CDC123: variants seen among roughly 807,000 people sequenced by gnomAD.
The protein encoded by CDC123 is cell division cycle 123.
In CDC123, 37 loss-of-function variants were observed where a neutral mutation model predicts 54.4. The ratio of observed to expected loss-of-function variants is 0.68; its 90% CI spans 0.52 to 0.89. The LOEUF is 0.89. CDC123 is among the 40% of genes least tolerant of loss of function. The pLI is 0.00. For synonymous variants in CDC123, 144 were observed against 136.8 expected, an observed-to-expected ratio of 1.05 and a Z score of -0.37; for missense variants, 361 against 412.1, an observed-to-expected ratio of 0.88 and a Z score of 1.07.
At chr10:12,227,893 G>GT (rs1835848644) in intron 6 of CDC123, among the ~76,000 whole-genome samples, 2 of 152,164 alleles carry the variant, frequency 1.3e-5, no homozygotes, top group South Asian at 4.1e-4. Context: ...CGAAAGGGCA[G>GT]TTTTTTAAAG....
At chr10:12,208,355 T>A (rs973430465) in intron 2 of CDC123, among the ~76,000 whole-genome samples, 2 of 152,212 alleles carry the variant, frequency 1.3e-5, no homozygotes, top group African/African-American at 4.8e-5. Context: ...GAAGATGGGC[T>A]GCTGGGTGGC....
At position 12,213,495 on chromosome 10, in the gene CDC123, G is replaced by A. The variant is rs981962504; in HGVS notation, c.238-2245G>A. ...TGCCACAGATTGAAGAAGATTAAAGGGACCTGACAACTAGATTTAGTCCAT... is the reference window on the plus strand; with the variant it reads ...TGCCACAGATTGAAGAAGATTAAAGAGACCTGACAACTAGATTTAGTCCAT... On this transcript the variant is annotated intron_variant, in intron 4 of 12. Coordinates refer to ENST00000281141, the MANE Select transcript of CDC123 (RefSeq NM_006023.3). 4.6e-5 allele frequency among the ~76,000 whole-genome samples: 7 copies of A among 151,970 alleles called. No individual in the cohort carries two copies. In the East Asian group the frequency reaches 1.4e-3, roughly 29 times the overall value.
chr10:12,210,357 T>C, intron 4 of CDC123, 35 bp downstream of exon 4: 1 of 1,612,650 alleles, frequency 6.2e-7, no homozygotes, highest in Admixed American at 1.7e-5. Flanking sequence ...GGGGACAGCC[T>C]CACACTGTCA....
At chr10:12,225,669 G>A (rs146612075) in intron 6 of CDC123, among the ~76,000 whole-genome samples, 1 of 147,748 alleles carries the variant, frequency 6.8e-6, no homozygotes, top group African/African-American at 2.5e-5. Flanking sequence ...AATACCATCT[G>A]CCATTTACTG....
At chr10:12,250,127 C>G (rs1163998629) in intron 12 of CDC123, 184 bp from the exon 13 acceptor site, 5 of 504,256 alleles carry the variant, frequency 9.9e-6, no homozygotes, top group Non-Finnish European at 1.7e-5. Flanking sequence ...AGAAAATACT[C>G]AAATACCTGA....
chr10:12,215,512 TTTGA>T (rs1835651111), intron 4 of CDC123, among the ~76,000 whole-genome samples: 1 of 152,332 alleles, frequency 6.6e-6, no homozygotes, highest in Admixed American at 6.5e-5. Context: ...CTTTGCAGGC[TTTGA>T]TTGTCTGGAA....
At chr10:12,201,353 A>T (rs1047700229) in intron 2 of CDC123, among the ~76,000 whole-genome samples, 4 of 152,200 alleles carry the variant, frequency 2.6e-5, no homozygotes, top group Admixed American at 1.3e-4. Context: ...TGCTATGCAG[A>T]AAGTGGGGTG....
chr10:12,197,093 A>G (rs1393293569), intron 1 of CDC123, among the ~76,000 whole-genome samples: 1 of 152,244 alleles, frequency 6.6e-6, no homozygotes, highest in Non-Finnish European at 1.5e-5. Flanking sequence ...AAAATGTATA[A>G]GAAAAGTTTC....
chr10:12,234,958 A>T, intron 7 of CDC123, 90 bp from the exon 8 acceptor site: 1 of 863,360 alleles, frequency 1.2e-6, no homozygotes, highest in Non-Finnish European at 1.9e-6. Context: ...TGATAATGGC[A>T]ATCATTAAGA....
intron 6 of CDC123, among the ~76,000 whole-genome samples, chr10:12,218,167 A>G (rs912987312): frequency 6.6e-6 from 1 of 152,100 alleles, no homozygotes; most frequent in Non-Finnish European, 1.5e-5. Context: ...TCTATAGATA[A>G]ATATAATATA....
chr10:12,225,349 C>T (rs1036596523), intron 6 of CDC123, among the ~76,000 whole-genome samples: 1 of 152,118 alleles, frequency 6.6e-6, no homozygotes, highest in African/African-American at 2.4e-5. Flanking sequence ...GAGCCAAGAT[C>T]GTGCCACTGC....
At chr10:12,226,880 G>C (rs187531181) in intron 6 of CDC123, among the ~76,000 whole-genome samples, 2 of 152,120 alleles carry the variant, frequency 1.3e-5, no homozygotes, top group Non-Finnish European at 2.9e-5. Context: ...CTGCAATCTC[G>C]GCACTTTGGG....
intron 4 of CDC123, among the ~76,000 whole-genome samples, chr10:12,211,204 C>G (rs1359088404): frequency 6.6e-6 from 1 of 151,476 alleles, no homozygotes; most frequent in Non-Finnish European, 1.5e-5. Context: ...AGCAAATGAT[C>G]TATTTCTAAA....
At chr10:12,247,574 C>T (rs1168688084) in intron 11 of CDC123, 2 of 152,370 alleles carry the variant, frequency 1.3e-5, no homozygotes, top group Non-Finnish European at 2.9e-5. Context: ...GCTCTTTTTG[C>T]AATTCTTCCT....
At chr10:12,233,435 C>G (rs1202217586) in intron 7 of CDC123, among the ~76,000 whole-genome samples, 1 of 152,156 alleles carries the variant, frequency 6.6e-6, no homozygotes, top group East Asian at 1.9e-4. Context: ...TCGGGAGAGA[C>G]ACTCCCTATC....
At position 12,249,692 on chromosome 10, in the gene CDC123, C is replaced by A. The variant is rs775160022; in HGVS notation, c.958C>A (p.His320Asn). ...FVDLSTGEDAHKLIDFLKLKR... is the reference protein window; with the variant it reads ...FVDLSTGEDANKLIDFLKLKR... ...AGACCTCTCTACTGGGGAGGACGCT[C>A]ACAAGCTAATAGACTTCCTTAAGCT... Residue 320 changes from histidine (H) to asparagine (N), a missense_variant, in exon 12 of 13, where the codon CAC becomes AAC. By Grantham distance (68) the His-to-Asn change is moderately conservative. Transcript: ENST00000281141. The A allele has an allele frequency of 1.9e-6, 3 of 1,613,560 alleles. No individual in the cohort carries two copies. In the Admixed American group the frequency reaches 5.0e-5, roughly 27 times the overall value.
intron 2 of CDC123, among the ~76,000 whole-genome samples, chr10:12,200,901 C>A (rs572990225): frequency 6.6e-6 from 1 of 151,782 alleles, no homozygotes; most frequent in Non-Finnish European, 1.5e-5. Flanking sequence ...CCATTGCGCT[C>A]CAGCCTGGAC....
At chr10:12,239,771 G>A (rs1836031714) in intron 10 of CDC123, among the ~76,000 whole-genome samples, 1 of 151,390 alleles carries the variant, frequency 6.6e-6, no homozygotes, top group South Asian at 2.1e-4. Flanking sequence ...CACTTTGGGA[G>A]GCCGAGACGG....
chr10:12,246,400 A>G (rs1836138287), intron 11 of CDC123, 123 bp downstream of exon 11: 9 of 1,063,224 alleles, frequency 8.5e-6, no homozygotes, highest in South Asian at 1.7e-5. Flanking sequence ...AGTGTAACAC[A>G]GCTTTACTAA....
Sources: allele counts gnomAD v4.1 joint callset (sites outside exome capture counted in the v4.1 genomes callset), GRCh38; gene constraint gnomAD v4.1.1; transcripts MANE v1.5; gene names NCBI Gene and HGNC (gene_info 2026-07-23, HGNC 2026-07-21).